The following ARG1 variants were observed in gnomAD, a reference collection of about 807,000 sequenced individuals.
The protein encoded by ARG1 is arginase 1, also known as arginase-1.
Under a neutral mutation model 33.0 loss-of-function variants are expected in ARG1, and 20 were observed. The observed-to-expected ratio is 0.61, with a 90% CI of 0.43 to 0.88. ARG1 has a LOEUF of 0.88. Ranked by LOEUF, ARG1 falls within the 40% of genes least tolerant of loss-of-function variation. The probability of loss-of-function intolerance (pLI) is 0.00; values close to 1 mark genes in which losing one functional copy is unlikely to be tolerated. For missense variants in ARG1, 374 were observed against 384.7 expected, an observed-to-expected ratio of 0.97 and a Z score of 0.23; for synonymous variants, 146 against 140.6, an observed-to-expected ratio of 1.04 and a Z score of -0.27.
Position 131,579,177 on chromosome 6 carries a change from T to G in ARG1, c.197T>G (p.Ile66Ser). Residue 66 changes from isoleucine (I) to serine (S), a missense_variant, in exon 3 of 8, where the codon ATT becomes AGT. Physicochemically the swap from Ile to Ser is moderately radical, Grantham distance 142 (BLOSUM62 -2). Transcript: ENST00000368087. The part of the protein sequence containing the change: ...ADIPNDSPFQ[I>S]VKNPRSVGKA... ...ATCCCTAATGACAGTCCCTTTCAAATTGTGAAGAATCCAAGGTCTGTGGGA... is the reference window on the plus strand; with the variant it reads ...ATCCCTAATGACAGTCCCTTTCAAAGTGTGAAGAATCCAAGGTCTGTGGGA... 6.2e-7 allele frequency: 1 copy of G among 1,614,154 alleles called. No homozygotes were observed. Among genetic ancestry groups the G allele is most frequent in the Non-Finnish European group, 8.5e-7 (1 of 1,180,022 alleles).
chr6:131,583,148 A>G lies in ARG1; in HGVS notation c.649A>G (p.Ser217Gly). The G allele has an allele frequency of 1.2e-6, 2 of 1,613,752 alleles. No homozygotes were observed. Among genetic ancestry groups the G allele is most frequent in the Non-Finnish European group, 1.7e-6 (2 of 1,179,690 alleles). ...TGGCAAGGTGATGGAAGAAACACTC[A>G]GCTATCTACTAGGAAGGTAGGATTC... Reference protein sequence around the residue: ...GIGKVMEETLSYLLGRKKRPI... With the variant: ...GIGKVMEETLGYLLGRKKRPI... The change falls in exon 6 of 8, where the codon AGC becomes GGC. Residue 217 changes from serine (S) to glycine (G), a missense_variant. Coordinates refer to ENST00000368087, the MANE Select transcript of ARG1 (RefSeq NM_000045.4).
At chr6:131,582,917 A>G (rs1172363906) in intron 5 of ARG1, 143 bp from the exon 6 acceptor site, 2 of 770,358 alleles carry the variant, frequency 2.6e-6, no homozygotes, top group Non-Finnish European at 4.3e-6. Context: ...TGTTAAAAAT[A>G]AATACAAATA....
intron 1 of ARG1, chr6:131,574,116 A>T: frequency 2.6e-6 from 2 of 760,148 alleles, no homozygotes; most frequent in East Asian, 5.3e-5. Flanking sequence ...GTGATGACAG[A>T]ACACCTTAGA....
chr6:131,579,452 G>T (rs1773804735), intron 3 of ARG1, 167 bp downstream of exon 3: 3 of 652,630 alleles, frequency 4.6e-6, no homozygotes, highest in Non-Finnish European at 7.6e-6. Context: ...TATAGAAACA[G>T]ACTTCGCTCA....
intron 1 of ARG1, among the ~76,000 whole-genome samples, chr6:131,574,988 C>T (rs900444898): frequency 2.0e-5 from 3 of 152,120 alleles, no homozygotes; most frequent in African/African-American, 7.2e-5. Flanking sequence ...CCAAAGGCGA[C>T]CTTATACTTG....
At chr6:131,579,388 T>A in intron 3 of ARG1, 103 bp downstream of exon 3, 1 of 1,306,494 alleles carries the variant, frequency 7.7e-7, no homozygotes, top group Non-Finnish European at 1.0e-6. Context: ...AGCATTGACC[T>A]ATATTTTATA....
intron 4 of ARG1, 62 bp from the exon 5 acceptor site, chr6:131,582,558 CT>C: frequency 7.8e-7 from 1 of 1,286,618 alleles, no homozygotes; most frequent in Non-Finnish European, 1.1e-6. Context: ...GTGTCTTTAC[CT>C]TTGAATGTAG....
At chr6:131,574,447 C>T (rs892411890) in intron 1 of ARG1, 3 of 843,304 alleles carry the variant, frequency 3.6e-6, no homozygotes, top group Non-Finnish European at 6.1e-6. Flanking sequence ...CTTTTAAAAT[C>T]CACACTGTTC....
At chr6:131,577,029 C>T (rs768979670) in intron 2 of ARG1, among the ~76,000 whole-genome samples, 2 of 152,020 alleles carry the variant, frequency 1.3e-5, no homozygotes, top group African/African-American at 2.4e-5. Context: ...GCCGGGGGAA[C>T]AGCAAATGGA....
At position 131,583,835 on chromosome 6, in the gene ARG1, T is replaced by C. The variant is rs781676090; in HGVS notation, c.896T>C (p.Ile299Thr). 6.2e-7 allele frequency: 1 copy of C among 1,614,166 alleles called. No individual in the cohort carries two copies. The highest frequency in any genetic ancestry group is 1.1e-5 in the South Asian group (1 of 91,086). ...CGAACAGTGAACACAGCAGTTGCAATAACCTTGGCTTGTTTCGGACTTGCT... is the reference window on the plus strand; with the variant it reads ...CGAACAGTGAACACAGCAGTTGCAACAACCTTGGCTTGTTTCGGACTTGCT... Reference protein sequence around the residue: ...VTRTVNTAVAITLACFGLARE... With the variant: ...VTRTVNTAVATTLACFGLARE... Residue 299 changes from isoleucine to threonine, a missense_variant, in exon 8 of 8, where the codon ATA becomes ACA. Coordinates refer to ENST00000368087, the MANE Select transcript of ARG1 (RefSeq NM_000045.4).
Position 131,581,310 on chromosome 6 carries a change from C to T in ARG1, c.397C>T (p.Leu133=), listed in dbSNP as rs769778089. Residue 133 remains leucine (L), a synonymous_variant, in exon 4 of 8, where the codon CTG becomes TTG. Transcript: ENST00000368087. ...VDAHTDINTP[L]TTTSGNLHGQ... ...TGCTCACACTGATATCAACACTCCA[C>T]TGACAACCACAAGTGGAAACTTGCA... The T allele has an allele frequency of 6.2e-7, 1 of 1,613,960 alleles. No individual in the cohort carries two copies. The highest frequency in any genetic ancestry group is 1.3e-5 in the African/African-American group (1 of 75,064).
intron 1 of ARG1, among the ~76,000 whole-genome samples, chr6:131,574,802 A>G (rs983216376): frequency 2.0e-5 from 3 of 152,214 alleles, no homozygotes; most frequent in African/African-American, 7.2e-5. Flanking sequence ...AAGGCAGCGA[A>G]CAAACAATAA....
At chr6:131,583,297 A>T in intron 6 of ARG1, 58 bp from the exon 7 acceptor site, 3 of 1,610,938 alleles carry the variant, frequency 1.9e-6, no homozygotes, top group South Asian at 1.1e-5. Flanking sequence ...ACAGATTATT[A>T]TCTATGAAAT....
chr6:131,574,185 C>A, intron 1 of ARG1: 2 of 1,308,434 alleles, frequency 1.5e-6, no homozygotes, highest in South Asian at 1.2e-5. Context: ...TCAAACAAGA[C>A]AATGTATGAG....
At chr6:131,579,721 A>T (rs924183877) in intron 3 of ARG1, 1 of 158,974 alleles carries the variant, frequency 6.3e-6, no homozygotes, top group Admixed American at 6.3e-5. Flanking sequence ...ACAAGAAAAA[A>T]AATGTGGTAA....
intron 5 of ARG1, 117 bp downstream of exon 5, chr6:131,582,832 T>C (rs944303691): frequency 2.6e-5 from 22 of 832,010 alleles, no homozygotes; most frequent in Middle Eastern, 2.3e-4. Context: ...CACACACACA[T>C]GCCCACACAC....
chr6:131,583,065 T>C lies in ARG1; in HGVS notation c.566T>C (p.Ile189Thr). The C allele has an allele frequency of 6.2e-7, 1 of 1,611,130 alleles. No homozygotes were observed. The highest frequency in any genetic ancestry group is 8.5e-7 in the Non-Finnish European group (1 of 1,177,668). The stretch of plus-strand genomic sequence containing the variant: ...TCTTAATTTCTCTTTTATAGCTACA[T>C]TTTGAAAACTCTAGGCATTAAATAC... ...LRDVDPGEHY[I>T]LKTLGIKYFS... Residue 189 changes from isoleucine (I) to threonine (T), a missense_variant, in exon 6 of 8, where the codon ATT (isoleucine) becomes ACT (threonine). Physicochemically the swap from Ile to Thr is moderately conservative, Grantham distance 89. Coordinates refer to ENST00000368087, the MANE Select transcript of ARG1 (RefSeq NM_000045.4).
intron 7 of ARG1, 65 bp from the exon 8 acceptor site, chr6:131,583,677 T>C: frequency 6.4e-7 from 1 of 1,568,324 alleles, no homozygotes; most frequent in Non-Finnish European, 8.7e-7. Context: ...CTTTCAAGTC[T>C]GTCTGTACTA....
At position 131,581,203 on chromosome 6, in the gene ARG1, A is replaced by T. The variant is rs772341418; in HGVS notation, c.306-16A>T. 3.7e-5 allele frequency: 60 copies of T among 1,613,470 alleles called. No homozygotes were observed. The highest frequency in any genetic ancestry group is 4.6e-5 in the Non-Finnish European group (54 of 1,179,642). ...ACTGCAAACCTGATGTTCACACAAAATTTTTTCCCCAAAAGTTTGGCAATT... is the reference window on the plus strand; with the variant it reads ...ACTGCAAACCTGATGTTCACACAAATTTTTTTCCCCAAAAGTTTGGCAATT... On this transcript the variant is annotated splice_polypyrimidine_tract_variant and intron_variant, in intron 3 of 7. Transcript: ENST00000368087.
Sources: gnomAD v4.1 joint callset for allele counts (sites outside exome capture counted in the v4.1 genomes callset) on GRCh38, gnomAD v4.1.1 for gene constraint, MANE v1.5 for transcripts, NCBI Gene and HGNC (gene_info 2026-07-23, HGNC 2026-07-21) for gene names.